Variants in NBEA observed in about 807,000 individuals in gnomAD.
NBEA encodes the protein lysosomal-trafficking regulator 2.
In NBEA, 44 loss-of-function variants were observed where a neutral mutation model predicts 343.4. The observed-to-expected ratio is 0.13, with a 90% CI of 0.10 to 0.16. The LOEUF (loss-of-function observed/expected upper bound fraction) is 0.16, where lower values mean the gene tolerates loss of function less well. NBEA is among the 10% of genes least tolerant of loss of function. NBEA has a pLI of 1.00. For synonymous variants in NBEA, 1,175 were observed against 1,238.7 expected, an observed-to-expected ratio of 0.95 and a Z score of 1.08; for missense variants, 2,555 against 3,631.3, an observed-to-expected ratio of 0.70 and a Z score of 7.62.
chr13:35,479,221 TCACACAAGGAGC>T (rs2076018506), intron 41 of NBEA, among the ~76,000 whole-genome samples: 2 of 152,222 alleles, frequency 1.3e-5, no homozygotes, highest in African/African-American at 2.4e-5. Context: ...TAAGCACCCC[TCACACAAGGAGC>T]TGAAGGTGAT....
intron 35 of NBEA, among the ~76,000 whole-genome samples, chr13:35,296,801 A>C (rs190190507): frequency 2.0e-5 from 3 of 151,754 alleles, no homozygotes; most frequent in East Asian, 3.9e-4. Flanking sequence ...TTTGGTGGTA[A>C]ATTTTCTTCA....
intron 8 of NBEA, among the ~76,000 whole-genome samples, chr13:35,067,965 G>A (rs992924733): frequency 5.9e-5 from 9 of 151,812 alleles, no homozygotes; most frequent in Non-Finnish European, 1.2e-4. Flanking sequence ...CTCAAACTCC[G>A]GGCCTCAAGT....
Position 35,671,040 on chromosome 13 carries a change from T to C in NBEA, c.*49T>C. On this transcript the variant is annotated 3_prime_UTR_variant, in exon 59 of 59. Coordinates refer to ENST00000379939, the MANE Select transcript of NBEA (RefSeq NM_001385012.1). Reference sequence around the variant, plus strand: ...AAGTTAAAGCTGAGAGCACAAGTGCTGCATGGAAAGGCAATATCTCTGGTG... The same window carrying C: ...AAGTTAAAGCTGAGAGCACAAGTGCCGCATGGAAAGGCAATATCTCTGGTG... The C allele has an allele frequency of 7.3e-7, 1 of 1,366,306 alleles. No individual in the cohort carries two copies. Among genetic ancestry groups the C allele is most frequent in the Middle Eastern group, 1.8e-4 (1 of 5,610 alleles). The allele number at this position is 1,366,306 out of a possible 1,614,324, so 84.6% of individuals were successfully genotyped here.
intron 34 of NBEA, among the ~76,000 whole-genome samples, chr13:35,273,016 A>G (rs1378622053): frequency 6.6e-6 from 1 of 152,214 alleles, no homozygotes; most frequent in Non-Finnish European, 1.5e-5. Flanking sequence ...ATAGACAGCT[A>G]CAGAACTCTC....
At chr13:35,637,559 C>T (rs1389214373) in intron 49 of NBEA, among the ~76,000 whole-genome samples, 3 of 152,156 alleles carry the variant, frequency 2.0e-5, no homozygotes, top group Non-Finnish European at 4.4e-5. Context: ...CGCAGTGGCT[C>T]ACACCTGTAA....
intron 46 of NBEA, among the ~76,000 whole-genome samples, chr13:35,585,624 C>A (rs971872451): frequency 7.2e-5 from 11 of 152,062 alleles, no homozygotes; most frequent in African/African-American, 2.4e-4. Context: ...GCAAACATTT[C>A]TCATGGGTTC....
At chr13:35,575,851 G>T (rs138320601) in intron 45 of NBEA, among the ~76,000 whole-genome samples, 15 of 152,090 alleles carry the variant, frequency 9.9e-5, no homozygotes, top group African/African-American at 3.4e-4. Flanking sequence ...CTGTCTAAAG[G>T]TTAGAATAGC....
intron 19 of NBEA, 56 bp from the exon 20 acceptor site, chr13:35,156,027 T>G: frequency 6.5e-7 from 1 of 1,527,952 alleles, no homozygotes; most frequent in Non-Finnish European, 8.8e-7. Context: ...TAATACTTTT[T>G]GAGTTGAACA....
At chr13:35,285,934 C>T (rs150285700) in intron 34 of NBEA, among the ~76,000 whole-genome samples, 76 of 152,264 alleles carry the variant, frequency 5.0e-4, no homozygotes, top group Admixed American at 1.0e-3. Context: ...ACTTTGCTGA[C>T]GATTGCATGC....
intron 4 of NBEA, among the ~76,000 whole-genome samples, chr13:35,045,631 T>C (rs2062821516): frequency 6.6e-6 from 1 of 152,198 alleles, no homozygotes; most frequent in Non-Finnish European, 1.5e-5. Flanking sequence ...CCTTACTACT[T>C]CTGATTTACT....
intron 35 of NBEA, among the ~76,000 whole-genome samples, chr13:35,290,887 A>G (rs1031267944): frequency 4.0e-5 from 6 of 151,804 alleles, no homozygotes; most frequent in African/African-American, 1.2e-4. Context: ...ATGGTCTTTG[A>G]TATAAGACCT....
At chr13:34,991,470 A>C (rs1474856168) in intron 1 of NBEA, among the ~76,000 whole-genome samples, 1 of 152,162 alleles carries the variant, frequency 6.6e-6, no homozygotes, top group Admixed American at 6.5e-5. Flanking sequence ...GGGAAGTGCT[A>C]CACAATTTTA....
chr13:35,477,291 G>T (rs745523680), intron 41 of NBEA: 1 of 163,028 alleles, frequency 6.1e-6, no homozygotes. Context: ...TTTTACTTAT[G>T]TTTTTTTCTT....
chr13:35,558,718 A>G (rs554351086), intron 44 of NBEA, among the ~76,000 whole-genome samples: 6 of 152,200 alleles, frequency 3.9e-5, no homozygotes, highest in Non-Finnish European at 8.8e-5. Context: ...CAAGCCCTCT[A>G]GTTGGTTCTG....
intron 36 of NBEA, among the ~76,000 whole-genome samples, chr13:35,343,916 T>A (rs967291253): frequency 1.3e-5 from 2 of 152,070 alleles, no homozygotes; most frequent in Admixed American, 6.6e-5. Context: ...ACACAATAAA[T>A]GTACTTGAAT....
chr13:35,476,364 CCTTTT>C, intron 41 of NBEA: 1 of 1,001,228 alleles, frequency 1.0e-6, no homozygotes, highest in South Asian at 1.4e-5. Context: ...CTTTTCCCTT[CCTTTT>C]ATCTTTGAGC....
intron 46 of NBEA, among the ~76,000 whole-genome samples, chr13:35,587,019 A>C (rs2081320040): frequency 6.6e-6 from 1 of 152,164 alleles, no homozygotes; most frequent in South Asian, 2.1e-4. Context: ...ACAAGAATAC[A>C]AAAAAACTAA....
At chr13:35,024,330 A>T (rs1462731628) in intron 1 of NBEA, among the ~76,000 whole-genome samples, 1 of 152,100 alleles carries the variant, frequency 6.6e-6, no homozygotes, top group Admixed American at 6.5e-5. Flanking sequence ...TGGTAAAACA[A>T]TTTTTATTCC....
chr13:35,006,526 TCCATGTGTTTTTCCTTTTTCTAG>T (rs201807091), intron 1 of NBEA, among the ~76,000 whole-genome samples: 2,600 of 152,280 alleles, frequency 0.017, 101 homozygotes, highest in East Asian at 0.14. Flanking sequence ...TTTAGATTTA[TCCATGTGTTTTTCCTTTTTCTAG>T]CCTTTATTTC....
Sources: allele counts gnomAD v4.1 joint callset (sites outside exome capture counted in the v4.1 genomes callset), GRCh38; gene constraint gnomAD v4.1.1; transcripts MANE v1.5; gene names NCBI Gene and HGNC (gene_info 2026-07-23, HGNC 2026-07-21).